CYYR1: variants seen among roughly 807,000 people sequenced by gnomAD.
CYYR1 encodes the protein cysteine and tyrosine rich 1, also known as cysteine and tyrosine-rich protein 1.
CYYR1 carries 14 observed loss-of-function variants against 15.2 expected under a neutral mutation model. That is an observed-to-expected ratio of 0.92 (90% CI 0.61 to 1.44). CYYR1 has a LOEUF of 1.44. Among genes scored for constraint, CYYR1 ranks in the 40% most tolerant of loss-of-function variants. The pLI, the probability that CYYR1 is intolerant of heterozygous loss-of-function variation, is 0.00. For synonymous variants in CYYR1, 80 were observed against 77.4 expected, an observed-to-expected ratio of 1.03 and a Z score of -0.18; for missense variants, 228 against 209.5, an observed-to-expected ratio of 1.09 and a Z score of -0.54.
chr21:26,536,191 C>T (rs1481364745), intron 2 of CYYR1, among the ~76,000 whole-genome samples: 1 of 152,090 alleles, frequency 6.6e-6, no homozygotes, highest in African/African-American at 2.4e-5. Flanking sequence ...AAAGTCCACC[C>T]CCATGATTCA....
intron 2 of CYYR1, among the ~76,000 whole-genome samples, chr21:26,504,427 C>T (rs368657711): frequency 7.9e-5 from 12 of 152,010 alleles, no homozygotes; most frequent in East Asian, 1.9e-4. Flanking sequence ...CGTACCACCA[C>T]GCCTGGCTAA....
chr21:26,548,767 T>G (rs1662284660), intron 2 of CYYR1, among the ~76,000 whole-genome samples: 1 of 152,216 alleles, frequency 6.6e-6, no homozygotes, highest in Non-Finnish European at 1.5e-5. Flanking sequence ...TGGATCTGAA[T>G]TTCTAGATTA....
At chr21:26,549,753 A>G (rs1223720283) in intron 2 of CYYR1, among the ~76,000 whole-genome samples, 3 of 152,176 alleles carry the variant, frequency 2.0e-5, no homozygotes, top group Non-Finnish European at 4.4e-5. Flanking sequence ...ATGATTTAGA[A>G]TTACAGTAAA....
chr21:26,495,806 A>G (rs1051671765), intron 2 of CYYR1, among the ~76,000 whole-genome samples: 3 of 152,240 alleles, frequency 2.0e-5, no homozygotes, highest in Non-Finnish European at 4.4e-5. Context: ...GAGGATATGG[A>G]TTCCAGAATC....
intron 2 of CYYR1, among the ~76,000 whole-genome samples, chr21:26,509,132 C>G (rs2065610114): frequency 6.6e-6 from 1 of 152,096 alleles, no homozygotes; most frequent in Non-Finnish European, 1.5e-5. Flanking sequence ...GCCTACAAAC[C>G]CCTCCATGAT....
intron 2 of CYYR1, among the ~76,000 whole-genome samples, chr21:26,545,543 C>T (rs1024341287): frequency 7.0e-6 from 1 of 143,246 alleles, no homozygotes; most frequent in South Asian, 2.3e-4. Context: ...TGGTTTCTAC[C>T]TTCTGGTTAA....
At chr21:26,572,756 A>G in intron 1 of CYYR1, 112 bp downstream of exon 1, 1 of 1,312,972 alleles carries the variant, frequency 7.6e-7, no homozygotes, top group Non-Finnish European at 1.0e-6. Flanking sequence ...AGCGTCTGCA[A>G]AGGTCCTTCT....
At chr21:26,483,013 C>T (rs12483136) in intron 2 of CYYR1, among the ~76,000 whole-genome samples, 120,994 of 151,926 alleles carry the variant, frequency 0.8, 48,923 homozygotes, top group Non-Finnish European at 0.85. Flanking sequence ...TGTATTCTTC[C>T]TTCTGGAAAC....
chr21:26,497,483 G>T (rs1179037434), intron 2 of CYYR1, among the ~76,000 whole-genome samples: 1 of 152,146 alleles, frequency 6.6e-6, no homozygotes, highest in Admixed American at 6.6e-5. Context: ...AAGAAAAATG[G>T]TTATACAGCC....
chr21:26,536,545 T>A (rs563663792), intron 2 of CYYR1, among the ~76,000 whole-genome samples: 11 of 152,138 alleles, frequency 7.2e-5, no homozygotes, highest in Non-Finnish European at 1.5e-4. Context: ...CTTCAGAGGG[T>A]TTCGTTTCAG....
At chr21:26,520,611 G>A (rs186379478) in intron 2 of CYYR1, among the ~76,000 whole-genome samples, 1 of 152,242 alleles carries the variant, frequency 6.6e-6, no homozygotes, top group Admixed American at 6.5e-5. Flanking sequence ...GGGATTGCTG[G>A]GTGAAATGGT....
At chr21:26,474,745 T>C (rs537560665) in intron 3 of CYYR1, among the ~76,000 whole-genome samples, 2 of 152,296 alleles carry the variant, frequency 1.3e-5, no homozygotes, top group East Asian at 1.9e-4. Flanking sequence ...TGCTATTTTG[T>C]AAATCTTAAT....
At chr21:26,539,796 T>G (rs890131800) in intron 2 of CYYR1, among the ~76,000 whole-genome samples, 1 of 152,220 alleles carries the variant, frequency 6.6e-6, no homozygotes, top group Admixed American at 6.5e-5. Context: ...GTTCCTTTAC[T>G]GTCATTGCTT....
chr21:26,559,367 TTTGC>T (rs1001916880), intron 2 of CYYR1, among the ~76,000 whole-genome samples: 1 of 152,120 alleles, frequency 6.6e-6, no homozygotes, highest in African/African-American at 2.4e-5. Context: ...CAAGTGAGGG[TTTGC>T]CTTACATTTT....
At chr21:26,526,772 G>A (rs1320922882) in intron 2 of CYYR1, among the ~76,000 whole-genome samples, 1 of 152,164 alleles carries the variant, frequency 6.6e-6, no homozygotes, top group Non-Finnish European at 1.5e-5. Context: ...TGAACACTGT[G>A]TAAGCCTCTT....
intron 2 of CYYR1, among the ~76,000 whole-genome samples, chr21:26,555,930 C>T (rs568620103): frequency 6.6e-6 from 1 of 152,156 alleles, no homozygotes; most frequent in Non-Finnish European, 1.5e-5. Context: ...GTGAGTTGCA[C>T]AGGAGCCTGT....
chr21:26,527,828 G>A (rs2065885793), intron 2 of CYYR1, among the ~76,000 whole-genome samples: 1 of 152,128 alleles, frequency 6.6e-6, no homozygotes. Flanking sequence ...GTGTGCACCT[G>A]TTGATTTTCT....
At chr21:26,504,949 G>A (rs940614577) in intron 2 of CYYR1, among the ~76,000 whole-genome samples, 2 of 152,172 alleles carry the variant, frequency 1.3e-5, no homozygotes, top group Non-Finnish European at 2.9e-5. Context: ...TGAACATAAT[G>A]ATCTCCAGTT....
At chr21:26,545,481 A>T (rs1189455415) in intron 2 of CYYR1, among the ~76,000 whole-genome samples, 1 of 151,554 alleles carries the variant, frequency 6.6e-6, no homozygotes, top group Non-Finnish European at 1.5e-5. Flanking sequence ...GTTTAATTCC[A>T]AGGTGGCAAG....
Sources: gnomAD v4.1 joint callset for allele counts (sites outside exome capture counted in the v4.1 genomes callset) on GRCh38, gnomAD v4.1.1 for gene constraint, MANE v1.5 for transcripts, NCBI Gene and HGNC (gene_info 2026-07-23, HGNC 2026-07-21) for gene names.